The following ACP1 variants were observed in gnomAD, a reference collection of about 807,000 sequenced individuals.
The protein encoded by ACP1 is acid phosphatase 1, also known as low molecular weight phosphotyrosine protein phosphatase.
ACP1 carries 23 observed loss-of-function variants against 23.4 expected under a neutral mutation model. The observed-to-expected ratio is 0.98, with a 90% confidence interval of 0.71 to 1.39. ACP1 has a LOEUF of 1.39. Ranked by LOEUF, ACP1 falls within the 40% of genes most tolerant of loss-of-function variation. The pLI, the probability that ACP1 is intolerant of heterozygous loss-of-function variation, is 0.00. For synonymous variants in ACP1, 72 were observed against 67.2 expected, an observed-to-expected ratio of 1.07 and a Z score of -0.35; for missense variants, 180 against 197.7, an observed-to-expected ratio of 0.91 and a Z score of 0.54.
chr2:267,902 C>T (rs1669931109), intron 1 of ACP1, among the ~76,000 whole-genome samples: 1 of 152,198 alleles, frequency 6.6e-6, no homozygotes. Flanking sequence ...CATTTGTGGA[C>T]ATCAGAATTG....
At position 266,091 on chromosome 2, in the gene ACP1, A is replaced by ATTCC. The variant is rs369366682; in HGVS notation, c.43+1087_43+1090dup. On this transcript the variant is annotated intron_variant, in intron 1 of 5. Transcript: ENST00000272065. The stretch of plus-strand genomic sequence containing the variant: ...AAAGATGTAATACAGAAAAGGTGTG[A>ATTCC]TTCCTTATCGACATCTTTTATTACA... Among the ~76,000 whole-genome samples, 423 of 152,320 alleles carry ATTCC rather than the reference A, an allele frequency of 2.8e-3. 1 individual carries two copies. Among genetic ancestry groups the ATTCC allele is most frequent in the African/African-American group, 9.7e-3 (402 of 41,560 alleles).
chr2:265,735 T>TAACCG, intron 1 of ACP1, among the ~76,000 whole-genome samples: 1 of 152,252 alleles, frequency 6.6e-6, no homozygotes. Context: ...AGGCCTAAAT[T>TAACCG]GTCAGTAGTC....
At chr2:271,229 C>A (rs1670022026) in intron 1 of ACP1, among the ~76,000 whole-genome samples, 1 of 152,180 alleles carries the variant, frequency 6.6e-6, no homozygotes, top group East Asian at 1.9e-4. Flanking sequence ...AAAATACATA[C>A]AGTTGACCCT....
intron 3 of ACP1, among the ~76,000 whole-genome samples, chr2:274,229 G>A (rs1462249221): frequency 2.6e-5 from 4 of 152,154 alleles, no homozygotes; most frequent in African/African-American, 9.7e-5. Context: ...AATGTCATGG[G>A]AGTGTTGACG....
intron 1 of ACP1, among the ~76,000 whole-genome samples, chr2:267,147 A>T (rs902618896): frequency 6.6e-6 from 1 of 152,268 alleles, no homozygotes; most frequent in East Asian, 1.9e-4. Flanking sequence ...ATATTTTCCA[A>T]CTGAAGCTGA....
At chr2:271,732 A>G in intron 1 of ACP1, 134 bp from the exon 2 acceptor site, 1 of 740,680 alleles carries the variant, frequency 1.4e-6, no homozygotes, top group Non-Finnish European at 2.4e-6. Flanking sequence ...AAAGGCGTCA[A>G]AGGATAGTGT....
chr2:272,254 T>G, intron 3 of ACP1, 104 bp downstream of exon 3: 1 of 1,614,182 alleles, frequency 6.2e-7, no homozygotes, highest in South Asian at 1.1e-5. Flanking sequence ...ACCCAAGAGC[T>G]GTGAGCTGCC....
intron 3 of ACP1, among the ~76,000 whole-genome samples, chr2:273,433 G>C (rs1670096277): frequency 6.6e-6 from 1 of 152,250 alleles, no homozygotes; most frequent in Non-Finnish European, 1.5e-5. Context: ...GCAAGTGGCA[G>C]GAGTCTGCAG....
At chr2:272,419 C>T (rs1253475942) in intron 3 of ACP1, 2 of 1,483,740 alleles carry the variant, frequency 1.3e-6, no homozygotes, top group Non-Finnish European at 8.9e-7. Flanking sequence ...GTGAGCTTAA[C>T]CAGCTATGGT....
intron 4 of ACP1, 53 bp downstream of exon 4, chr2:275,254 C>G (rs1477940448): frequency 3.0e-6 from 3 of 1,006,922 alleles, no homozygotes; most frequent in Non-Finnish European, 4.4e-6. Flanking sequence ...CAGCAGTGGG[C>G]CAAGTAATTT....
chr2:276,361 G>A (rs1330558186), intron 4 of ACP1, among the ~76,000 whole-genome samples: 1 of 152,206 alleles, frequency 6.6e-6, no homozygotes, highest in Non-Finnish European at 1.5e-5. Context: ...GCTCTTGGCT[G>A]TTCCGTTCCC....
At chr2:275,402 C>A in intron 4 of ACP1, 1 of 356,214 alleles carries the variant, frequency 2.8e-6, no homozygotes, top group Non-Finnish European at 5.1e-6. Context: ...GGAAATACAC[C>A]TTAGAAAAGG....
intron 3 of ACP1, 188 bp downstream of exon 3, chr2:272,338 A>T: frequency 6.3e-7 from 1 of 1,592,324 alleles, no homozygotes; most frequent in Non-Finnish European, 8.6e-7. Context: ...TCTAATATAT[A>T]GAGTCCAGTA....
chr2:266,377 A>G (rs867962374), intron 1 of ACP1: 2 of 152,258 alleles, frequency 1.3e-5, no homozygotes, highest in African/African-American at 2.4e-5. Context: ...TTTATTAAAC[A>G]GTAGTTTGGT....
intron 1 of ACP1, 67 bp downstream of exon 1, chr2:265,074 T>C (rs1317209825): frequency 6.3e-7 from 1 of 1,591,902 alleles, no homozygotes; most frequent in East Asian, 2.3e-5. Context: ...TTGTGCGCTG[T>C]AGGTTGTGCC....
At chr2:277,129 C>T in intron 5 of ACP1, 44 bp downstream of exon 5, 2 of 1,562,306 alleles carry the variant, frequency 1.3e-6, no homozygotes, top group Non-Finnish European at 1.8e-6. Flanking sequence ...AGACCCAACA[C>T]ATTTGTATCC....
intron 4 of ACP1, among the ~76,000 whole-genome samples, chr2:276,095 C>T (rs536286729): frequency 1.3e-5 from 2 of 152,252 alleles, no homozygotes; most frequent in Non-Finnish European, 2.9e-5. Flanking sequence ...CACTGAGCAC[C>T]GTGTTTCTTT....
chr2:270,995 C>T (rs373822189), intron 1 of ACP1, among the ~76,000 whole-genome samples: 81 of 152,246 alleles, frequency 5.3e-4, no homozygotes, highest in African/African-American at 1.9e-3. Flanking sequence ...TTCTCACTTG[C>T]TGGTCTAAAG....
intron 1 of ACP1, among the ~76,000 whole-genome samples, chr2:265,610 C>T (rs1404884092): frequency 6.6e-6 from 1 of 152,192 alleles, no homozygotes; most frequent in African/African-American, 2.4e-5. Flanking sequence ...CCTAGAATTT[C>T]AACACTTAGC....
Sources: gnomAD v4.1 joint callset for allele counts (sites outside exome capture counted in the v4.1 genomes callset) on GRCh38, gnomAD v4.1.1 for gene constraint, MANE v1.5 for transcripts, NCBI Gene and HGNC (gene_info 2026-07-23, HGNC 2026-07-21) for gene names.